The following ARHGAP26 variants were observed in gnomAD, a reference collection of about 807,000 sequenced individuals.
The protein encoded by ARHGAP26 is rho GTPase-activating protein 26.
Under a neutral mutation model 104.8 loss-of-function variants are expected in ARHGAP26, and 38 were observed. That is an observed-to-expected ratio of 0.36 (90% confidence interval 0.28 to 0.48). The LOEUF is 0.48. ARHGAP26 is among the 20% of genes least tolerant of loss of function. ARHGAP26 has a pLI of 0.99. For missense variants in ARHGAP26, 704 were observed against 947.9 expected, an observed-to-expected ratio of 0.74 and a Z score of 3.38; for synonymous variants, 341 against 340.0, an observed-to-expected ratio of 1.00 and a Z score of -0.03.
chr5:143,075,176 A>C (rs1395167366), intron 17 of ARHGAP26, among the ~76,000 whole-genome samples: 1 of 152,210 alleles, frequency 6.6e-6, no homozygotes, highest in African/African-American at 2.4e-5. Context: ...GAGTTGTCAT[A>C]ATTTTAACAA....
At chr5:143,101,890 G>A (rs962378725) in intron 17 of ARHGAP26, among the ~76,000 whole-genome samples, 2 of 150,298 alleles carry the variant, frequency 1.3e-5, no homozygotes, top group African/African-American at 4.9e-5. Flanking sequence ...ATGGCTTAGA[G>A]TGTGCCTTCC....
intron 11 of ARHGAP26, among the ~76,000 whole-genome samples, chr5:143,006,550 C>T (rs1234793301): frequency 6.6e-6 from 1 of 152,048 alleles, no homozygotes; most frequent in East Asian, 1.9e-4. Flanking sequence ...ACAGCAAGTA[C>T]AACAGTGGTA....
intron 11 of ARHGAP26, among the ~76,000 whole-genome samples, chr5:142,943,982 A>G (rs1766748418): frequency 6.6e-6 from 1 of 152,182 alleles, no homozygotes; most frequent in Non-Finnish European, 1.5e-5. Flanking sequence ...ATTAAACAAA[A>G]ATCCTACTGG....
intron 18 of ARHGAP26, among the ~76,000 whole-genome samples, chr5:143,128,803 TAA>T (rs1796999787): frequency 6.6e-6 from 1 of 152,222 alleles, no homozygotes; most frequent in Admixed American, 6.5e-5. Flanking sequence ...ATTTCTCGTA[TAA>T]ACCTTTCTGT....
At chr5:142,974,669 C>T (rs537968222) in intron 11 of ARHGAP26, among the ~76,000 whole-genome samples, 22 of 152,276 alleles carry the variant, frequency 1.4e-4, no homozygotes, top group East Asian at 1.3e-3. Flanking sequence ...TGCAGGGCTC[C>T]GCTCCCGCCT....
At chr5:142,975,784 T>C (rs1772987308) in intron 11 of ARHGAP26, among the ~76,000 whole-genome samples, 1 of 152,232 alleles carries the variant, frequency 6.6e-6, no homozygotes, top group Non-Finnish European at 1.5e-5. Flanking sequence ...CTCCAGTCTT[T>C]GTGTCCTGGG....
chr5:143,158,946 T>C (rs942704206), intron 20 of ARHGAP26, among the ~76,000 whole-genome samples: 2 of 152,190 alleles, frequency 1.3e-5, no homozygotes, highest in Non-Finnish European at 2.9e-5. Context: ...AGAAGAAACT[T>C]TGGTGCATTC....
At chr5:142,797,776 G>C (rs187917521) in intron 1 of ARHGAP26, among the ~76,000 whole-genome samples, 52 of 152,338 alleles carry the variant, frequency 3.4e-4, no homozygotes, top group Non-Finnish European at 6.6e-4. Flanking sequence ...TTGGTGGTAT[G>C]ATTGATAATC....
chr5:142,944,943 C>G (rs985171110), intron 11 of ARHGAP26, among the ~76,000 whole-genome samples: 1 of 152,148 alleles, frequency 6.6e-6, no homozygotes, highest in Non-Finnish European at 1.5e-5. Context: ...CTCCCCAACC[C>G]CATTGCTCAG....
At chr5:143,005,147 A>T (rs1430001903) in intron 11 of ARHGAP26, among the ~76,000 whole-genome samples, 1 of 152,236 alleles carries the variant, frequency 6.6e-6, no homozygotes, top group Non-Finnish European at 1.5e-5. Flanking sequence ...AAAAATAAAA[A>T]GTATGTTATT....
chr5:143,112,063 G>A (rs1466836151), intron 17 of ARHGAP26, among the ~76,000 whole-genome samples: 1 of 152,216 alleles, frequency 6.6e-6, no homozygotes, highest in African/African-American at 2.4e-5. Context: ...TGGCAGTGAG[G>A]GAGGCTGATG....
intron 11 of ARHGAP26, among the ~76,000 whole-genome samples, chr5:142,938,372 G>A (rs1373229616): frequency 6.6e-6 from 1 of 152,134 alleles, no homozygotes; most frequent in Non-Finnish European, 1.5e-5. Flanking sequence ...AACTCCATAA[G>A]CTTTTGTTTT....
Position 142,894,300 on chromosome 5 carries a change from C to T in ARHGAP26, c.549C>T (p.Phe183=). The change falls in exon 6 of 23, where the codon TTC becomes TTT. Residue 183 remains phenylalanine, a synonymous_variant. Coordinates refer to ENST00000645722, the MANE Select transcript of ARHGAP26 (RefSeq NM_001135608.3). ...ATGAAGTATCCCTGGAATATGTCTTCAAGGTGCAGGAAGTCCAAGAGAGAA... is the reference window on the plus strand; with the variant it reads ...ATGAAGTATCCCTGGAATATGTCTTTAAGGTGCAGGAAGTCCAAGAGAGAA... The part of the protein sequence containing the change: ...HFYEVSLEYV[F]KVQEVQERKM... 1 of 1,614,088 alleles carries T rather than the reference C, an allele frequency of 6.2e-7. No individual in the cohort carries two copies. The highest frequency in any genetic ancestry group is 8.5e-7 in the Non-Finnish European group (1 of 1,179,992).
chr5:142,783,227 G>A (rs1383830626), intron 1 of ARHGAP26, among the ~76,000 whole-genome samples: 2 of 152,258 alleles, frequency 1.3e-5, no homozygotes, highest in East Asian at 3.8e-4. Flanking sequence ...GAGGGTTTCA[G>A]AAGCGTAAAA....
intron 14 of ARHGAP26, among the ~76,000 whole-genome samples, chr5:143,044,449 GA>G (rs1463223958): frequency 6.6e-6 from 1 of 152,176 alleles, no homozygotes; most frequent in East Asian, 1.9e-4. Flanking sequence ...CATGTTGGCA[GA>G]AGGCTCCAGC....
At chr5:143,114,740 C>T (rs528468781) in intron 17 of ARHGAP26, among the ~76,000 whole-genome samples, 1 of 152,280 alleles carries the variant, frequency 6.6e-6, no homozygotes, top group African/African-American at 2.4e-5. Flanking sequence ...TGATCCAGCC[C>T]CTAGTCCTAA....
At chr5:142,967,196 C>T (rs537966296) in intron 11 of ARHGAP26, among the ~76,000 whole-genome samples, 1 of 152,080 alleles carries the variant, frequency 6.6e-6, no homozygotes, top group Non-Finnish European at 1.5e-5. Flanking sequence ...GCAGGGAAAA[C>T]AGAACGATAA....
chr5:143,169,215 T>A (rs1183223242), intron 20 of ARHGAP26, among the ~76,000 whole-genome samples: 3 of 152,258 alleles, frequency 2.0e-5, no homozygotes, highest in African/African-American at 7.2e-5. Flanking sequence ...TACAGACAGT[T>A]CTATTCAAGA....
intron 10 of ARHGAP26, among the ~76,000 whole-genome samples, chr5:142,922,817 C>A (rs1236676816): frequency 6.6e-6 from 1 of 152,146 alleles, no homozygotes; most frequent in Non-Finnish European, 1.5e-5. Flanking sequence ...TTCAGACTTC[C>A]CCTCCCTCCC....
Sources: gnomAD v4.1 joint callset for allele counts (sites outside exome capture counted in the v4.1 genomes callset) on GRCh38, gnomAD v4.1.1 for gene constraint, MANE v1.5 for transcripts, NCBI Gene and HGNC (gene_info 2026-07-23, HGNC 2026-07-21) for gene names.